The following APBB3 variants were observed in gnomAD, a reference collection of about 807,000 sequenced individuals.
APBB3 encodes the protein amyloid beta precursor protein binding family B member 3, also known as amyloid-beta A4 precursor protein-binding family B member 3.
APBB3 carries 50 observed loss-of-function variants against 61.5 expected under a neutral mutation model. The observed-to-expected ratio is 0.81, with a 90% CI of 0.65 to 1.03. The LOEUF is 1.03. Among genes scored for constraint, APBB3 ranks in the 50% least tolerant of loss-of-function variants. The pLI is 0.00. For missense variants in APBB3, 550 were observed against 637.4 expected, an observed-to-expected ratio of 0.86 and a Z score of 1.48; for synonymous variants, 235 against 233.0, an observed-to-expected ratio of 1.01 and a Z score of -0.08.
chr5:140,558,434 A>G lies in APBB3; in HGVS notation c.*151T>C. 1 of 856,798 alleles carries G rather than the reference A, an allele frequency of 1.2e-6. No individual in the cohort carries two copies. The highest frequency in any genetic ancestry group is 2.0e-6 in the Non-Finnish European group (1 of 504,568). The allele number at this position is 856,798 out of a possible 1,614,324, so 53.1% of individuals were successfully genotyped here. ...TGCCTCCCAGTCATCCGTATAAACA[A>G]TAAATTGGGCAATAAATAGACGGTG... On this transcript the variant is annotated 3_prime_UTR_variant, in exon 13 of 13. Transcript: ENST00000357560.
chr5:140,560,865 G>A lies in APBB3; in HGVS notation c.917-111C>T. Reference sequence around the variant, plus strand: ...CAGAGATAGGGAATAGGATAGCTGGGGCAAGCCTTAGAATTCTGATTTGGG... The same window carrying A: ...CAGAGATAGGGAATAGGATAGCTGGAGCAAGCCTTAGAATTCTGATTTGGG... On this transcript the variant is annotated intron_variant, in intron 10 of 12. Coordinates refer to ENST00000357560, the MANE Select transcript of APBB3 (RefSeq NM_133173.3). The surrounding 1 kb of genome is among the most constrained non-coding windows in gnomAD (Gnocchi z 5.1). The A allele has an allele frequency of 1.4e-6, 2 of 1,383,004 alleles. No individual in the cohort carries two copies. The highest frequency in any genetic ancestry group is 2.0e-6 in the Non-Finnish European group (2 of 988,402). The allele number at this position is 1,383,004 out of a possible 1,614,324, so 85.7% of individuals were successfully genotyped here. A position where few individuals can be genotyped will look rare whatever the true frequency, so the allele number is the denominator to read the frequency against.
chr5:140,562,611 AC>A, intron 4 of APBB3, 51 bp downstream of exon 4: 2 of 1,611,962 alleles, frequency 1.2e-6, no homozygotes, highest in Non-Finnish European at 1.7e-6. Context: ...GTCCAATCCC[AC>A]CCTTGTCTTT....
At position 140,564,375 on chromosome 5, in the gene APBB3, T is replaced by G; in HGVS notation, c.-130A>C. On this transcript the variant is annotated 5_prime_UTR_variant, in exon 1 of 13. Coordinates refer to ENST00000357560, the MANE Select transcript of APBB3 (RefSeq NM_133173.3). The surrounding 1 kb of genome is among the most constrained non-coding windows in gnomAD (Gnocchi z 5.0). ...GCGGGGCCAGCTGGCGCCGCACAAA[T>G]ACGGGGCGGGACACGGGGCGGGACA... The G allele has an allele frequency of 2.7e-5, 28 of 1,039,452 alleles. No homozygotes were observed. The highest frequency in any genetic ancestry group is 2.2e-4 in the Middle Eastern group (1 of 4,480). 64.4% of individuals were successfully genotyped at this position (1,039,452 alleles called of 1,614,324 possible). A position where few individuals can be genotyped will look rare whatever the true frequency, so the allele number is the denominator to read the frequency against.
In APBB3 at chr5:140,562,650, C is replaced by T; in HGVS notation, c.351+13G>A. The T allele has an allele frequency of 6.2e-7, 1 of 1,614,158 alleles. No individual in the cohort carries two copies. The highest frequency in any genetic ancestry group is 8.5e-7 in the Non-Finnish European group (1 of 1,179,996). The stretch of plus-strand genomic sequence containing the variant: ...CTTGGGACCTCCCAATGCCCTCAGG[C>T]CCAAGTCACTACCTTAGCCCCTGGC... On this transcript the variant is annotated intron_variant, in intron 4 of 12. Transcript: ENST00000357560.
Position 140,562,229 on chromosome 5 carries a change from T to G in APBB3, c.499-2A>C, listed in dbSNP as rs1467772457. ...CAGGATCATCAGCATGTTCTGGCCC[T>G]GCCAAGGACAGAGGTCAGCCCAGAG... On this transcript the variant is annotated splice_acceptor_variant, in intron 5 of 12. Coordinates refer to ENST00000357560, the MANE Select transcript of APBB3 (RefSeq NM_133173.3). LOFTEE classifies it high-confidence loss of function. 6.2e-7 allele frequency: 1 copy of G among 1,614,106 alleles called. No individual in the cohort carries two copies. The highest frequency in any genetic ancestry group is 8.5e-7 in the Non-Finnish European group (1 of 1,179,996).
At position 140,560,989 on chromosome 5, in the gene APBB3, C is replaced by T. The variant is rs371199074; in HGVS notation, c.916+29G>A. 6.8e-6 allele frequency: 11 copies of T among 1,607,118 alleles called. No individual in the cohort carries two copies. The African/African-American group carries it at 1.3e-4, about 20-fold the overall frequency. ...TCACCTTCCCCTTGCCTCACACAGC[C>T]CACCACATGCAGCCCCCTCAGTCCT... On this transcript the variant is annotated intron_variant, in intron 10 of 12. Coordinates refer to ENST00000357560, the MANE Select transcript of APBB3 (RefSeq NM_133173.3). The surrounding 1 kb of genome is among the most constrained non-coding windows in gnomAD (Gnocchi z 5.1).
intron 12 of APBB3, among the ~76,000 whole-genome samples, chr5:140,559,248 A>C (rs1425678963): frequency 2.0e-5 from 3 of 152,058 alleles, no homozygotes; most frequent in Non-Finnish European, 4.4e-5. Flanking sequence ...ACTGGTGGGG[A>C]CTAGTCCCTG....
At chr5:140,561,482 G>A in intron 8 of APBB3, 33 bp from the exon 9 acceptor site, 1 of 1,613,982 alleles carries the variant, frequency 6.2e-7, no homozygotes, top group East Asian at 2.2e-5. Flanking sequence ...TGACCCACAG[G>A]GAGAGAGGGG....
rs761992826 is a variant in APBB3 at position 140,561,395 on chromosome 5, G to A, written c.802C>T (p.Pro268Ser). The change falls in exon 9 of 13, where the codon CCC (proline) becomes TCC (serine). Residue 268 changes from proline (P) to serine (S), a missense_variant. Pro to Ser is a moderately conservative substitution (Grantham distance 74). Around this residue, in one of 3 missense-constraint regions of APBB3, gnomAD observed 405 missense variants for 483.4 expected, o/e 0.84. Coordinates refer to ENST00000357560, the MANE Select transcript of APBB3 (RefSeq NM_133173.3). ...CGTGGCAGGTCTTCAGGAGAGATGGGGTCTGGGGAGCAGCAAGAGGCATCA... is the reference window on the plus strand; with the variant it reads ...CGTGGCAGGTCTTCAGGAGAGATGGAGTCTGGGGAGCAGCAAGAGGCATCA... ...SGDASCCSPD[P>S]ISPEDLPRQV... 6.8e-6 allele frequency: 11 copies of A among 1,614,176 alleles called. 1 individual carries two copies. Among genetic ancestry groups the A allele is most frequent in the South Asian group, 6.6e-5 (6 of 91,082 alleles).
chr5:140,563,477 A>G, intron 3 of APBB3, 117 bp downstream of exon 3: 3 of 1,235,346 alleles, frequency 2.4e-6, no homozygotes, highest in Non-Finnish European at 3.5e-6. Flanking sequence ...AACGTAACAG[A>G]ACCCAAAACA....
intron 12 of APBB3, among the ~76,000 whole-genome samples, chr5:140,559,485 T>C (rs562254553): frequency 2.6e-5 from 4 of 152,218 alleles, no homozygotes; most frequent in Non-Finnish European, 5.9e-5. Context: ...TGCCTCCAGA[T>C]AAACTCATCA....
Position 140,560,668 on chromosome 5 carries a change from C to G in APBB3, c.1003G>C (p.Asp335His), listed in dbSNP as rs768663653. 6.2e-7 allele frequency: 1 copy of G among 1,614,176 alleles called. No individual in the cohort carries two copies. Among genetic ancestry groups the G allele is most frequent in the Non-Finnish European group, 8.5e-7 (1 of 1,180,032 alleles). ...AWVPTMLSVS[D>H]SLMTAHPIQA... ...ATGGGGTGTGCAGTCATGAGAGAGTCAGACACACTGAGCATGGTGGGGACC... is the reference window on the plus strand; with the variant it reads ...ATGGGGTGTGCAGTCATGAGAGAGTGAGACACACTGAGCATGGTGGGGACC... Residue 335 changes from aspartate to histidine, a missense_variant, in exon 11 of 13, where the codon GAC becomes CAC. Around this residue, in one of 3 missense-constraint regions of APBB3, gnomAD observed 405 missense variants for 483.4 expected, o/e 0.84. Transcript: ENST00000357560. The surrounding 1 kb of genome is among the most constrained non-coding windows in gnomAD (Gnocchi z 5.1).
chr5:140,561,242 G>T, intron 9 of APBB3, 123 bp downstream of exon 9: 1 of 1,450,644 alleles, frequency 6.9e-7, no homozygotes, highest in Non-Finnish European at 9.6e-7. Context: ...AGTGGCTTGG[G>T]ATCCCTGAGA....
At position 140,558,618 on chromosome 5, in the gene APBB3, G is replaced by T; in HGVS notation, c.1428C>A (p.Phe476Leu). The part of the protein sequence containing the change: ...KRGVFSFLDA[F>L]RLKPSLLHMP Reference sequence around the variant, plus strand: ...TATGGAGCAGAGAGGGTTTCAGCCGGAAGGCATCAAGAAAAGAGAAGACAC... The same window carrying T: ...TATGGAGCAGAGAGGGTTTCAGCCGTAAGGCATCAAGAAAAGAGAAGACAC... The change falls in exon 13 of 13, where the codon TTC becomes TTA. Residue 476 changes from phenylalanine to leucine, a missense_variant. This residue lies in a region of APBB3 where 138 missense variants were observed against 132.6 expected (regional missense o/e 1.04). Transcript: ENST00000357560. 6.2e-7 allele frequency: 1 copy of T among 1,614,164 alleles called. No individual in the cohort carries two copies. The highest frequency in any genetic ancestry group is 8.5e-7 in the Non-Finnish European group (1 of 1,180,032).
chr5:140,562,148 T>G lies in APBB3; in HGVS notation c.578A>C (p.Gln193Pro), dbSNP rs766488336. The G allele has an allele frequency of 6.2e-7, 1 of 1,614,172 alleles. No homozygotes were observed. Among genetic ancestry groups the G allele is most frequent in the Admixed American group, 1.7e-5 (1 of 60,022 alleles). The stretch of plus-strand genomic sequence containing the variant: ...CCACACACGGATGTGCACCAGAGGC[T>G]GGCAGTGGATCAGACTGTGGTCCAG... Reference protein sequence around the residue: ...NPLDHSLIHCQPLVHIRVWGV... With the variant: ...NPLDHSLIHCPPLVHIRVWGV... Residue 193 changes from glutamine (Q) to proline (P), a missense_variant, in exon 6 of 13, where the codon CAG becomes CCG. Around this residue, in one of 3 missense-constraint regions of APBB3, gnomAD observed 405 missense variants for 483.4 expected, o/e 0.84. Transcript: ENST00000357560.
chr5:140,559,031 C>T lies in APBB3; in HGVS notation c.1225-210G>A, dbSNP rs151069551. On this transcript the variant is annotated intron_variant, in intron 12 of 12. Coordinates refer to ENST00000357560, the MANE Select transcript of APBB3 (RefSeq NM_133173.3). ...CTTAAGGAGGGCAGGCTGGACACTGCTAAGTGCTTTGTATAATTCAGTTAT... is the reference window on the plus strand; with the variant it reads ...CTTAAGGAGGGCAGGCTGGACACTGTTAAGTGCTTTGTATAATTCAGTTAT... Among the ~76,000 whole-genome samples the T allele has an allele frequency of 3.9e-5, 6 of 152,248 alleles. No individual in the cohort carries two copies. The East Asian group carries it at 1.2e-3, about 29-fold the overall frequency.
intron 8 of APBB3, 58 bp from the exon 9 acceptor site, chr5:140,561,507 G>C (rs774907154): frequency 1.9e-5 from 30 of 1,613,230 alleles, no homozygotes; most frequent in Non-Finnish European, 2.5e-5. Context: ...AGGGTAAAAG[G>C]GCCAATACCA....
At chr5:140,562,560 A>G (rs1755011644) in intron 4 of APBB3, 61 bp from the exon 5 acceptor site, 3 of 1,609,014 alleles carry the variant, frequency 1.9e-6, no homozygotes, top group Non-Finnish European at 2.5e-6. Context: ...CAGGTGCCAC[A>G]ATACATACTC....
At position 140,561,832 on chromosome 5, in the gene APBB3, G is replaced by C. The variant is rs202146822; in HGVS notation, c.632+12C>G. The C allele has an allele frequency of 6.2e-7, 1 of 1,613,800 alleles. No individual in the cohort carries two copies. Among genetic ancestry groups the C allele is most frequent in the East Asian group, 2.2e-5 (1 of 44,884 alleles). On this transcript the variant is annotated intron_variant, in intron 7 of 12. Transcript: ENST00000357560. ...TCAGGGATGGGGCTCAGGATACCTG[G>C]TTTTCACTCACCTGTCACTGTTCCG...
Sources: allele counts gnomAD v4.1 joint callset (sites outside exome capture counted in the v4.1 genomes callset), GRCh38; gene constraint gnomAD v4.1.1; regional missense constraint gnomAD v4.1.1; non-coding constraint Gnocchi (gnomAD v3.1); transcripts MANE v1.5; gene names NCBI Gene and HGNC (gene_info 2026-07-23, HGNC 2026-07-21).